Variants in NAV3 observed in about 807,000 individuals in gnomAD.
The protein encoded by NAV3 is neuron navigator 3.
NAV3 carries 87 observed loss-of-function variants against 244.7 expected under a neutral mutation model. The ratio of observed to expected loss-of-function variants is 0.36; its 90% CI spans 0.30 to 0.42. The LOEUF (loss-of-function observed/expected upper bound fraction) is 0.42. Ranked by LOEUF, NAV3 falls within the 20% of genes least tolerant of loss-of-function variation. The pLI, the probability that NAV3 is intolerant of heterozygous loss-of-function variation, is 1.00. For synonymous variants in NAV3, 1,126 were observed against 1,042.2 expected (o/e 1.08, Z -1.55); for missense variants, 2,663 against 2,893.3 (o/e 0.92, Z 1.83).
At chr12:77,702,732 G>C (rs962756154) in intron 2 of NAV3, among the ~76,000 whole-genome samples, 1 of 151,634 alleles carries the variant, frequency 6.6e-6, no homozygotes, top group African/African-American at 2.4e-5. Flanking sequence ...TTATATTTTA[G>C]TTTTATACAC....
At chr12:78,081,940 T>C (rs1046540871) in intron 12 of NAV3, among the ~76,000 whole-genome samples, 4 of 152,350 alleles carry the variant, frequency 2.6e-5, no homozygotes, top group South Asian at 2.1e-4. Flanking sequence ...CCCTGGCTAA[T>C]ATGGTTTAGC....
chr12:77,752,632 T>C (rs935962694), intron 2 of NAV3, among the ~76,000 whole-genome samples: 6 of 152,296 alleles, frequency 3.9e-5, no homozygotes, highest in East Asian at 1.9e-4. Context: ...ATCCTGGCCC[T>C]ACCACTCATA....
chr12:77,955,609 C>T (rs891863652), intron 3 of NAV3, among the ~76,000 whole-genome samples: 4 of 152,092 alleles, frequency 2.6e-5, no homozygotes, highest in African/African-American at 9.7e-5. Context: ...GTGGCTCACA[C>T]CTATAATCCC....
intron 2 of NAV3, among the ~76,000 whole-genome samples, chr12:77,775,232 A>T (rs1000809949): frequency 6.6e-6 from 1 of 151,910 alleles, no homozygotes; most frequent in Non-Finnish European, 1.5e-5. Flanking sequence ...TCTCCACTAA[A>T]AATAGAAAAA....
intron 2 of NAV3, chr12:77,572,398 T>C (rs1410298200): frequency 6.6e-6 from 1 of 152,260 alleles, no homozygotes; most frequent in Admixed American, 6.5e-5. Context: ...TGTATGGCAA[T>C]GTGTTTCTGT....
At chr12:78,120,012 A>G in intron 15 of NAV3, 67 bp downstream of exon 15, 1 of 1,183,608 alleles carries the variant, frequency 8.4e-7, no homozygotes, top group Non-Finnish European at 1.2e-6. Flanking sequence ...CATACATTAC[A>G]TATAAATGTG....
intron 9 of NAV3, among the ~76,000 whole-genome samples, chr12:78,026,513 C>T (rs891869518): frequency 6.6e-6 from 1 of 152,066 alleles, no homozygotes; most frequent in African/African-American, 2.4e-5. Flanking sequence ...ATATTTTTGG[C>T]TCCAGAAGTA....
At position 78,210,443 on chromosome 12, in the gene NAV3, A is replaced by G; in HGVS notation, c.7084A>G (p.Thr2362Ala). The change falls in exon 40 of 40, where the codon ACA (threonine) becomes GCA (alanine). Residue 2362 changes from threonine (T) to alanine (A), a missense_variant. By Grantham distance (58) the Thr-to-Ala change is moderately conservative (BLOSUM62 0). Coordinates refer to ENST00000397909, the MANE Select transcript of NAV3 (RefSeq NM_001024383.2). ...CCAAGAAGCAGCCAATTACTCGAGC[A>G]CACAAAGCTGCGACAGCGAAAGCAC... is the stretch of plus-strand genomic sequence containing the variant. ...KLQEAANYSS[T>A]QSCDSESTSH... 1 of 1,613,826 alleles carries G rather than the reference A, an allele frequency of 6.2e-7. No homozygotes were observed. Among genetic ancestry groups the G allele is most frequent in the Non-Finnish European group, 8.5e-7 (1 of 1,179,872 alleles).
At chr12:78,027,814 GGTTTTTGTTTT>G (rs1375163812) in intron 9 of NAV3, among the ~76,000 whole-genome samples, 1 of 151,960 alleles carries the variant, frequency 6.6e-6, no homozygotes, top group African/African-American at 2.4e-5. Context: ...ATTACTCTGT[GGTTTTTGTTTT>G]GTTTTTGTTT....
chr12:77,703,728 T>G (rs2137214562), intron 2 of NAV3, among the ~76,000 whole-genome samples: 1 of 152,276 alleles, frequency 6.6e-6, no homozygotes, highest in South Asian at 2.1e-4. Flanking sequence ...AAAGTAAAAT[T>G]TCTTTTTGAC....
Position 78,086,106 on chromosome 12 carries a change from C to T in NAV3, c.2636+26991C>T, listed in dbSNP as rs890037823. 2.6e-5 allele frequency among the ~76,000 whole-genome samples: 4 copies of T among 152,102 alleles called. No homozygotes were observed. The South Asian group carries it at 6.2e-4, about 24-fold the overall frequency. ...TTTTCTACAAAATAATTAACACTGG[C>T]GTTTACCCGTGCAGGATTGTTGAGA... is the stretch of plus-strand genomic sequence containing the variant. On this transcript the variant is annotated intron_variant, in intron 12 of 39. Coordinates refer to ENST00000397909, the MANE Select transcript of NAV3 (RefSeq NM_001024383.2).
intron 2 of NAV3, among the ~76,000 whole-genome samples, chr12:77,584,867 G>C (rs2136690761): frequency 6.6e-6 from 1 of 152,252 alleles, no homozygotes; most frequent in South Asian, 2.1e-4. Context: ...AAAATGTAGG[G>C]TAAAAGGATT....
Position 78,052,582 on chromosome 12 carries a change from C to T in NAV3, c.2516+1435C>T, listed in dbSNP as rs374037365. 2.2e-4 allele frequency among the ~76,000 whole-genome samples: 34 copies of T among 152,322 alleles called. No individual in the cohort carries two copies. The East Asian group carries it at 3.9e-3, about 17-fold the overall frequency. On this transcript the variant is annotated intron_variant, in intron 11 of 39. Coordinates refer to ENST00000397909, the MANE Select transcript of NAV3 (RefSeq NM_001024383.2). ...TACAAGCACTCAATAAATTTATCATCTTCCTCTTTATCATCACTATTACAT... is the reference window on the plus strand; with the variant it reads ...TACAAGCACTCAATAAATTTATCATTTTCCTCTTTATCATCACTATTACAT...
At chr12:78,144,747 T>G (rs1166572189) in intron 20 of NAV3, among the ~76,000 whole-genome samples, 1 of 150,366 alleles carries the variant, frequency 6.7e-6, no homozygotes, top group Non-Finnish European at 1.5e-5. Context: ...CATGAATTAT[T>G]TATTGATTCT....
chr12:77,713,242 ACTGGCTT>A (rs938741403), intron 2 of NAV3, among the ~76,000 whole-genome samples: 78 of 152,346 alleles, frequency 5.1e-4, no homozygotes, highest in African/African-American at 1.8e-3. Context: ...GTATATGTGT[ACTGGCTT>A]CTGATTTTTT....
At chr12:78,064,591 T>A (rs994742660) in intron 12 of NAV3, among the ~76,000 whole-genome samples, 1 of 152,080 alleles carries the variant, frequency 6.6e-6, no homozygotes, top group African/African-American at 2.4e-5. Context: ...AAGTCCTGTT[T>A]CCAAATACAG....
intron 2 of NAV3, among the ~76,000 whole-genome samples, chr12:77,603,066 G>A (rs998413507): frequency 1.3e-5 from 2 of 151,932 alleles, no homozygotes; most frequent in South Asian, 2.1e-4. Flanking sequence ...CTCTCTAGTC[G>A]TTCTTATTAA....
At chr12:77,948,683 C>CG (rs1485790583) in intron 3 of NAV3, among the ~76,000 whole-genome samples, 2 of 130,024 alleles carry the variant, frequency 1.5e-5, no homozygotes, top group African/African-American at 5.7e-5. Flanking sequence ...TTCAATTGCC[C>CG]CCCCACCACT....
intron 2 of NAV3, among the ~76,000 whole-genome samples, chr12:77,774,171 C>A (rs1324624816): frequency 6.6e-6 from 1 of 152,058 alleles, no homozygotes; most frequent in African/African-American, 2.4e-5. Flanking sequence ...ATGTAAGTTG[C>A]CCAGCTGTTG....
Sources: gnomAD v4.1 joint callset for allele counts (sites outside exome capture counted in the v4.1 genomes callset) on GRCh38, gnomAD v4.1.1 for gene constraint, MANE v1.5 for transcripts, NCBI Gene and HGNC (gene_info 2026-07-23, HGNC 2026-07-21) for gene names.